Variants in TSHR observed in about 807,000 individuals in gnomAD.
TSHR encodes thyroid stimulating hormone receptor, also known as thyrotropin receptor.
In TSHR, 51 loss-of-function variants were observed where a neutral mutation model predicts 64.1. That is an observed-to-expected ratio of 0.80 (90% CI 0.64 to 1.01). The LOEUF (loss-of-function observed/expected upper bound fraction) is 1.01. TSHR is among the 50% of genes least tolerant of loss of function. The pLI, the probability that TSHR is intolerant of heterozygous loss-of-function variation, is 0.00. For missense variants in TSHR, 877 were observed against 942.8 expected, an observed-to-expected ratio of 0.93 and a Z score of 0.91; for synonymous variants, 361 against 361.9, an observed-to-expected ratio of 1.00 and a Z score of 0.03.
In TSHR at chr14:81,144,135, C is replaced by T; in HGVS notation, c.2077C>T (p.Leu693Phe). 1.9e-6 allele frequency: 3 copies of T among 1,614,188 alleles called. No individual in the cohort carries two copies. The African/African-American group carries it at 4.0e-5, about 22-fold the overall frequency. ...KAFQRDVFIL[L>F]SKFGICKRQA... ...CTTCCAGAGGGATGTGTTCATCCTA[C>T]TCAGCAAGTTTGGCATCTGTAAACG... The change falls in exon 10 of 10, where the codon CTC (leucine) becomes TTC (phenylalanine). Residue 693 changes from leucine to phenylalanine, a missense_variant. Leu to Phe is a conservative substitution (Grantham distance 22). Coordinates refer to ENST00000298171, the MANE Select transcript of TSHR (RefSeq NM_000369.5).
intron 1 of TSHR, among the ~76,000 whole-genome samples, chr14:80,966,985 T>G (rs1887347013): frequency 6.6e-6 from 1 of 152,030 alleles, no homozygotes; most frequent in Non-Finnish European, 1.5e-5. Flanking sequence ...ACGAATTTCC[T>G]CCCAAAAGCC....
chr14:81,078,362 T>A (rs1887647803), intron 3 of TSHR, among the ~76,000 whole-genome samples: 1 of 152,248 alleles, frequency 6.6e-6, no homozygotes, highest in Non-Finnish European at 1.5e-5. Context: ...TGGCCTTCTT[T>A]TTTTCTGAGG....
intron 3 of TSHR, among the ~76,000 whole-genome samples, chr14:81,075,249 C>T (rs528411788): frequency 6.6e-6 from 1 of 152,322 alleles, no homozygotes; most frequent in African/African-American, 2.4e-5. Flanking sequence ...GCATCCCTCC[C>T]AGCTCCAGAA....
intron 1 of TSHR, chr14:80,982,868 T>C (rs367779226): frequency 1.0e-4 from 51 of 505,262 alleles, no homozygotes; most frequent in African/African-American, 8.0e-4. Context: ...ATAGATGAGA[T>C]TAGACACCAA....
chr14:81,118,618 T>C (rs962099611), intron 8 of TSHR, among the ~76,000 whole-genome samples: 3 of 152,110 alleles, frequency 2.0e-5, no homozygotes, highest in Non-Finnish European at 4.4e-5. Flanking sequence ...AATTTATAGA[T>C]TCAATGCCAT....
chr14:81,001,082 G>T lies in TSHR; in HGVS notation c.170+45232G>T, dbSNP rs557500304. The T allele has an allele frequency of 1.5e-4, 24 of 164,800 alleles. No homozygotes were observed. The South Asian group carries it at 4.1e-3, about 28-fold the overall frequency. The allele number at this position is 164,800 out of a possible 1,614,324, so 10.2% of individuals were successfully genotyped here. A position where few individuals can be genotyped will look rare whatever the true frequency, so the allele number is the denominator to read the frequency against. On this transcript the variant is annotated intron_variant, in intron 1 of 9. Coordinates refer to ENST00000298171, the MANE Select transcript of TSHR (RefSeq NM_000369.5). ...TGAGAACACAGAACAGTACTTCTTT[G>T]TGGGAGTTGGGAGTGAGAAGCTGAG...
At chr14:81,135,838 G>T (rs1332181941) in intron 8 of TSHR, among the ~76,000 whole-genome samples, 2 of 152,202 alleles carry the variant, frequency 1.3e-5, no homozygotes, top group Non-Finnish European at 2.9e-5. Context: ...CAACCAGACT[G>T]TCTGATTAAA....
chr14:81,059,930 T>G (rs917890016), intron 1 of TSHR, among the ~76,000 whole-genome samples: 2 of 152,152 alleles, frequency 1.3e-5, no homozygotes, highest in African/African-American at 4.8e-5. Flanking sequence ...AAACAGGTGT[T>G]ATATATTTCA....
At chr14:81,136,119 A>G (rs1043187860) in intron 8 of TSHR, among the ~76,000 whole-genome samples, 2 of 152,218 alleles carry the variant, frequency 1.3e-5, no homozygotes, top group Non-Finnish European at 2.9e-5. Context: ...CTTAAAGGGC[A>G]TGGTAGGAAG....
chr14:80,994,233 C>G (rs1267947142), intron 1 of TSHR: 1 of 144,576 alleles, frequency 6.9e-6, no homozygotes, highest in Non-Finnish European at 1.6e-5. Flanking sequence ...CAAAAAAAGT[C>G]TTCACTGACT....
Position 81,142,980 on chromosome 14 carries a change from A to G in TSHR, c.922A>G (p.Ser308Gly). The change falls in exon 10 of 10, where the codon AGC becomes GGC. Residue 308 changes from serine to glycine, a missense_variant. Coordinates refer to ENST00000298171, the MANE Select transcript of TSHR (RefSeq NM_000369.5). ...GATGTGTAATGAGAGCAGTATGCAGAGCTTGCGCCAGAGAAAATCTGTGAA... is the reference window on the plus strand; with the variant it reads ...GATGTGTAATGAGAGCAGTATGCAGGGCTTGCGCCAGAGAAAATCTGTGAA... ...SLMCNESSMQ[S>G]LRQRKSVNAL... 1.9e-6 allele frequency: 3 copies of G among 1,614,162 alleles called. No individual in the cohort carries two copies. The highest frequency in any genetic ancestry group is 2.5e-6 in the Non-Finnish European group (3 of 1,180,032).
intron 1 of TSHR, among the ~76,000 whole-genome samples, chr14:80,970,773 T>A (rs1445230091): frequency 1.3e-5 from 2 of 152,258 alleles, no homozygotes; most frequent in African/African-American, 4.8e-5. Flanking sequence ...TACTTCTTTG[T>A]AAAAGGTAGA....
intron 1 of TSHR, among the ~76,000 whole-genome samples, chr14:81,037,068 G>A (rs745748927): frequency 2.4e-4 from 36 of 151,982 alleles, no homozygotes; most frequent in East Asian, 1.5e-3. Context: ...GCTTGAACCC[G>A]GGAGACGAGG....
chr14:81,082,442 C>T (rs374903626), intron 3 of TSHR, among the ~76,000 whole-genome samples: 26 of 152,286 alleles, frequency 1.7e-4, no homozygotes, highest in East Asian at 9.6e-4. Flanking sequence ...AGCTAGCCCA[C>T]CCCCTTTTGT....
At chr14:81,110,017 T>C (rs992111909) in intron 8 of TSHR, among the ~76,000 whole-genome samples, 21 of 152,238 alleles carry the variant, frequency 1.4e-4, no homozygotes, top group African/African-American at 4.8e-4. Flanking sequence ...CATTGCTTTT[T>C]CAAAGAAATG....
intron 1 of TSHR, among the ~76,000 whole-genome samples, chr14:81,002,986 G>A (rs1308176128): frequency 5.5e-5 from 1 of 18,118 alleles, no homozygotes. Context: ...CCCCTCCCCC[G>A]ACCCCACCAC....
chr14:81,113,834 A>G (rs1346593522), intron 8 of TSHR, among the ~76,000 whole-genome samples: 1 of 152,122 alleles, frequency 6.6e-6, no homozygotes, highest in Admixed American at 6.6e-5. Flanking sequence ...TATAGGTGAC[A>G]CTGAAGCTGG....
chr14:81,124,359 A>G (rs1009068117), intron 8 of TSHR, among the ~76,000 whole-genome samples: 2 of 152,110 alleles, frequency 1.3e-5, no homozygotes, highest in African/African-American at 2.4e-5. Context: ...GAGCAAACAT[A>G]TATTTTAAAT....
chr14:81,104,761 A>C, intron 7 of TSHR: 1 of 985,402 alleles, frequency 1.0e-6, no homozygotes, highest in Non-Finnish European at 1.2e-6. Context: ...TGAACTATTC[A>C]CAATCTTAAA....
Sources: gnomAD v4.1 joint callset for allele counts (sites outside exome capture counted in the v4.1 genomes callset) on GRCh38, gnomAD v4.1.1 for gene constraint, MANE v1.5 for transcripts, NCBI Gene and HGNC (gene_info 2026-07-23, HGNC 2026-07-21) for gene names.